WIPF1: variants seen among roughly 807,000 people sequenced by gnomAD.
WIPF1 encodes the protein WAS/WASL-interacting protein family member 1.
WIPF1 carries 13 observed loss-of-function variants against 35.4 expected under a neutral mutation model. The observed-to-expected ratio is 0.37, with a 90% CI of 0.24 to 0.58. WIPF1 has a LOEUF of 0.58. Among genes scored for constraint, WIPF1 ranks in the 20% least tolerant of loss-of-function variants. The pLI, the probability that WIPF1 is intolerant of heterozygous loss-of-function variation, is 0.74. For missense variants in WIPF1, 591 were observed against 667.0 expected (o/e 0.89, Z 1.25); for synonymous variants, 267 against 266.3 (o/e 1.00, Z -0.02).
chr2:174,598,967 G>A (rs1365404736), upstream of WIPF1, among the ~76,000 whole-genome samples: 5 of 152,160 alleles, frequency 3.3e-5, no homozygotes, highest in East Asian at 9.6e-4. Flanking sequence ...GCAACACATA[G>A]TATATAACTC....
intron 1 of WIPF1, among the ~76,000 whole-genome samples, chr2:174,662,402 T>C (rs1168763426): frequency 6.6e-6 from 1 of 152,200 alleles, no homozygotes; most frequent in Non-Finnish European, 1.5e-5. Context: ...TTTCCCTGGA[T>C]TGGTGGTCTA....
At chr2:174,610,967 A>C (rs1686325867) in intron 1 of WIPF1, among the ~76,000 whole-genome samples, 1 of 152,210 alleles carries the variant, frequency 6.6e-6, no homozygotes, top group African/African-American at 2.4e-5. Context: ...ACTTTCTAGA[A>C]ATAGAAGTGT....
At chr2:174,675,412 A>T (rs943074177) in intron 1 of WIPF1, among the ~76,000 whole-genome samples, 6 of 152,108 alleles carry the variant, frequency 3.9e-5, no homozygotes, top group Admixed American at 1.3e-4. Context: ...GCTGGAGTGC[A>T]GTGGCATGAT....
intron 2 of WIPF1, among the ~76,000 whole-genome samples, chr2:174,583,162 T>C (rs1034352798): frequency 6.6e-6 from 1 of 152,252 alleles, no homozygotes; most frequent in African/African-American, 2.4e-5. Context: ...AAAGTTTCTC[T>C]GCTGTCCTTC....
chr2:174,627,142 C>T (rs1490151650), intron 1 of WIPF1, among the ~76,000 whole-genome samples: 2 of 152,218 alleles, frequency 1.3e-5, no homozygotes, highest in African/African-American at 4.8e-5. Context: ...ACCCATCCTC[C>T]ACCACTGTGC....
chr2:174,645,578 G>A (rs1687390626), intron 1 of WIPF1, among the ~76,000 whole-genome samples: 2 of 152,186 alleles, frequency 1.3e-5, no homozygotes, highest in African/African-American at 4.8e-5. Flanking sequence ...TCCTGCAAAA[G>A]CCAGCAAATG....
At chr2:174,588,515 AG>A (rs968666565) in intron 1 of WIPF1, among the ~76,000 whole-genome samples, 11 of 152,198 alleles carry the variant, frequency 7.2e-5, no homozygotes, top group Non-Finnish European at 1.6e-4. Flanking sequence ...CCACCCTGAA[AG>A]GCCTCCTTAA....
intron 3 of WIPF1, 92 bp downstream of exon 3, chr2:174,581,213 AAAAAT>A: frequency 2.0e-6 from 3 of 1,509,278 alleles, no homozygotes; most frequent in East Asian, 2.3e-5. Flanking sequence ...TTGTTAACCA[AAAAAT>A]AAAATAAAAT....
chr2:174,665,933 C>T (rs1428084217), intron 1 of WIPF1, among the ~76,000 whole-genome samples: 2 of 152,214 alleles, frequency 1.3e-5, no homozygotes, highest in Non-Finnish European at 2.9e-5. Flanking sequence ...GCTTCTTTTG[C>T]TGTTGTTTAA....
intron 1 of WIPF1, among the ~76,000 whole-genome samples, chr2:174,631,002 T>G (rs1687002950): frequency 6.6e-6 from 1 of 152,192 alleles, no homozygotes. Context: ...TCTTATAATA[T>G]GAGGTATCTT....
At chr2:174,585,498 A>C in intron 2 of WIPF1, 25 bp downstream of exon 2, 1 of 1,521,216 alleles carries the variant, frequency 6.6e-7, no homozygotes, top group Non-Finnish European at 8.9e-7. Flanking sequence ...TATGCATAGA[A>C]AGTGTTTGGG....
At chr2:174,640,139 A>G (rs1044733434) in intron 1 of WIPF1, among the ~76,000 whole-genome samples, 28 of 152,196 alleles carry the variant, frequency 1.8e-4, no homozygotes, top group African/African-American at 6.3e-4. Context: ...ATATGCTAAT[A>G]GTGAACTATC....
chr2:174,653,040 A>G (rs79323668), intron 1 of WIPF1, among the ~76,000 whole-genome samples: 1,678 of 152,308 alleles, frequency 0.011, 28 homozygotes, highest in African/African-American at 0.038. Flanking sequence ...TACTATGTCC[A>G]GGTGCTAAGT....
chr2:174,641,556 G>T (rs2105947914), intron 1 of WIPF1, among the ~76,000 whole-genome samples: 1 of 152,240 alleles, frequency 6.6e-6, no homozygotes, highest in Non-Finnish European at 1.5e-5. Flanking sequence ...TCTTTTAATG[G>T]ACAGAGACTA....
At chr2:174,589,335 C>T (rs994988370) in intron 1 of WIPF1, among the ~76,000 whole-genome samples, 5 of 152,318 alleles carry the variant, frequency 3.3e-5, no homozygotes, top group South Asian at 2.1e-4. Flanking sequence ...ATCACCCCAC[C>T]GCACTGTGAG....
chr2:174,657,666 G>A (rs1478738246), intron 1 of WIPF1, among the ~76,000 whole-genome samples: 1 of 152,162 alleles, frequency 6.6e-6, no homozygotes, highest in Admixed American at 6.5e-5. Context: ...GCCAAAGCAG[G>A]TGGATAACCT....
intron 1 of WIPF1, among the ~76,000 whole-genome samples, chr2:174,677,588 G>A (rs995689985): frequency 1.1e-4 from 17 of 152,222 alleles, no homozygotes; most frequent in Admixed American, 8.5e-4. Flanking sequence ...TTCTTACAAC[G>A]TGAACCATGC....
In WIPF1 at chr2:174,662,602, T is replaced by C. The variant is rs373225174; in HGVS notation, c.-39+20172A>G. Among the ~76,000 whole-genome samples the C allele has an allele frequency of 1.1e-3, 170 of 152,344 alleles. 8 individuals are homozygous for C. In the South Asian group the frequency reaches 0.032, roughly 28 times the overall value. On this transcript the variant is annotated intron_variant, in intron 1 of 8. Transcript: ENST00000272746. ...TAGGGTGGCCAGACACGTGAGTTTCTAGTAAGTGTTTCTATCTTCATGTCA... is the reference window on the plus strand; with the variant it reads ...TAGGGTGGCCAGACACGTGAGTTTCCAGTAAGTGTTTCTATCTTCATGTCA...
chr2:174,671,335 A>T (rs1185511397), intron 1 of WIPF1, among the ~76,000 whole-genome samples: 1 of 152,210 alleles, frequency 6.6e-6, no homozygotes, highest in South Asian at 2.1e-4. Context: ...TCTTTACTTT[A>T]ATCTCTTAAT....
Sources: gnomAD v4.1 joint callset for allele counts (sites outside exome capture counted in the v4.1 genomes callset) on GRCh38, gnomAD v4.1.1 for gene constraint, MANE v1.5 for transcripts, NCBI Gene and HGNC (gene_info 2026-07-23, HGNC 2026-07-21) for gene names.